The following SLC18A1 variants were observed in gnomAD, a reference collection of about 807,000 sequenced individuals.
SLC18A1 encodes the protein solute carrier family 18 member A1.
SLC18A1 carries 69 observed loss-of-function variants against 53.7 expected under a neutral mutation model. The ratio of observed to expected loss-of-function variants is 1.28; its 90% CI spans 1.06 to 1.57. The LOEUF (loss-of-function observed/expected upper bound fraction) is 1.57. Among genes scored for constraint, SLC18A1 ranks in the 40% most tolerant of loss-of-function variants. SLC18A1 has a pLI of 0.00. For synonymous variants in SLC18A1, 320 were observed against 248.1 expected (o/e 1.29, Z -2.72); for missense variants, 932 against 668.1 (o/e 1.40, Z -4.35).
At position 20,181,031 on chromosome 8, in the gene SLC18A1, G is replaced by A; in HGVS notation, c.-67C>T. On this transcript the variant is annotated 5_prime_UTR_variant, in exon 2 of 16. Transcript: ENST00000276373. Reference sequence around the variant, plus strand: ...AGGGAAGGTCCTGTGACAGCTACAGGTCTCCTGCAGCCTTTATGGAAGAGG... The same window carrying A: ...AGGGAAGGTCCTGTGACAGCTACAGATCTCCTGCAGCCTTTATGGAAGAGG... The A allele has an allele frequency of 6.6e-7, 1 of 1,520,662 alleles. No individual in the cohort carries two copies. Among genetic ancestry groups the A allele is most frequent in the Middle Eastern group, 1.8e-4 (1 of 5,616 alleles). 94.2% of individuals were successfully genotyped at this position (1,520,662 alleles called of 1,614,324 possible). A position where few individuals can be genotyped will look rare whatever the true frequency, so the allele number is the denominator to read the frequency against.
intron 8 of SLC18A1, 77 bp downstream of exon 8, chr8:20,171,026 G>T: frequency 7.1e-7 from 1 of 1,406,400 alleles, no homozygotes; most frequent in Non-Finnish European, 1.0e-6. Flanking sequence ...TCTTCTTATG[G>T]TTTGGCAGGC....
At chr8:20,149,591 T>C (rs918229774) in intron 12 of SLC18A1, 85 bp downstream of exon 12, 26 of 175,112 alleles carry the variant, frequency 1.5e-4, no homozygotes, top group South Asian at 2.1e-4. Context: ...TCTCTCTCCC[T>C]CTCTCTCTCT....
chr8:20,154,972 G>A, intron 10 of SLC18A1, among the ~76,000 whole-genome samples: 1 of 152,152 alleles, frequency 6.6e-6, no homozygotes, highest in East Asian at 1.9e-4. Flanking sequence ...GCTTGCCATT[G>A]TTCCTGCACA....
At chr8:20,162,957 G>C (rs546267142) in intron 10 of SLC18A1, among the ~76,000 whole-genome samples, 1 of 152,284 alleles carries the variant, frequency 6.6e-6, no homozygotes, top group African/African-American at 2.4e-5. Context: ...TGTTATAGCA[G>C]CAGCCCGGTT....
chr8:20,157,305 A>G (rs943983629), intron 10 of SLC18A1, among the ~76,000 whole-genome samples: 4 of 152,212 alleles, frequency 2.6e-5, no homozygotes, highest in African/African-American at 7.2e-5. Context: ...AAGGGCAGCT[A>G]TAATTGCAGC....
At chr8:20,150,243 A>G (rs977377288) in intron 11 of SLC18A1, among the ~76,000 whole-genome samples, 2 of 152,226 alleles carry the variant, frequency 1.3e-5, no homozygotes, top group African/African-American at 4.8e-5. Context: ...ATGGAGACTC[A>G]TAGCTCTTGG....
chr8:20,179,415 T>A lies in SLC18A1; in HGVS notation c.194A>T (p.His65Leu). ...KEVNSSLHLG[H>L]AGSSPHALAS... ...GAGGGCATGTGGGGAACTTCCGGCA[T>A]GGCCGAGGTGCAGAGAAGAGTTGAC... Residue 65 changes from histidine to leucine, a missense_variant, in exon 3 of 16, where the codon CAT (histidine) becomes CTT (leucine). Transcript: ENST00000276373. 1 of 1,614,100 alleles carries A rather than the reference T, an allele frequency of 6.2e-7. No homozygotes were observed. The highest frequency in any genetic ancestry group is 8.5e-7 in the Non-Finnish European group (1 of 1,180,046).
rs575633804 is a variant in SLC18A1, at chr8:20,147,310, T to C, written c.1412A>G (p.Tyr471Cys). Residue 471 changes from tyrosine to cysteine, a missense_variant, in exon 15 of 16, where the codon TAT becomes TGT. Physicochemically the swap from Tyr to Cys is radical, Grantham distance 194 (BLOSUM62 -2). Coordinates refer to ENST00000276373, the MANE Select transcript of SLC18A1 (RefSeq NM_003053.4). ...CCGCAGGTAGTAGCAGAGTGGAGCA[T>C]AGACGATGTTGATGACCCCAGTGAT... ...MVITGVINIV[Y>C]APLCYYLRSP... The C allele has an allele frequency of 1.7e-5, 27 of 1,613,672 alleles. No homozygotes were observed. Among genetic ancestry groups the C allele is most frequent in the South Asian group, 1.3e-4 (12 of 91,024 alleles).
intron 10 of SLC18A1, among the ~76,000 whole-genome samples, chr8:20,158,117 C>A (rs1047171430): frequency 1.9e-4 from 29 of 152,308 alleles, no homozygotes; most frequent in African/African-American, 7.0e-4. Flanking sequence ...CATGTCATCA[C>A]CCTCACAGAG....
chr8:20,162,530 T>C (rs976908530), intron 10 of SLC18A1, among the ~76,000 whole-genome samples: 1 of 152,240 alleles, frequency 6.6e-6, no homozygotes, highest in Non-Finnish European at 1.5e-5. Context: ...CAAAGCAGCC[T>C]GAAGCTTTGC....
At chr8:20,165,160 C>CT in intron 8 of SLC18A1, 53 bp from the exon 9 acceptor site, 1 of 1,455,526 alleles carries the variant, frequency 6.9e-7, no homozygotes, top group Admixed American at 1.7e-5. Flanking sequence ...TACATCTCTC[C>CT]TATTTTCACA....
rs778927735 is a variant in SLC18A1, at chr8:20,179,493, CAA to C, written c.125-11_125-10del. 2 of 1,602,750 alleles carry C rather than the reference CAA, an allele frequency of 1.2e-6. No individual in the cohort carries two copies. Among genetic ancestry groups the C allele is most frequent in the Non-Finnish European group, 1.7e-6 (2 of 1,174,096 alleles). ...GGTGGGCACAATTGGCACTGAAAGT[CAA>C]AGAGGACAGGTGATGGGGGCTAAGG... On this transcript the variant is annotated splice_polypyrimidine_tract_variant and intron_variant, in intron 2 of 15. Coordinates refer to ENST00000276373, the MANE Select transcript of SLC18A1 (RefSeq NM_003053.4).
intron 10 of SLC18A1, among the ~76,000 whole-genome samples, chr8:20,153,689 G>A (rs2071616068): frequency 6.6e-6 from 1 of 151,918 alleles, no homozygotes; most frequent in African/African-American, 2.4e-5. Flanking sequence ...AAAGAAGTGA[G>A]GACAGGAGTA....
intron 11 of SLC18A1, among the ~76,000 whole-genome samples, chr8:20,150,013 G>C (rs1448070100): frequency 1.3e-5 from 2 of 152,150 alleles, no homozygotes; most frequent in Non-Finnish European, 2.9e-5. Flanking sequence ...GGAGGCACTT[G>C]TTCCTTAGAA....
chr8:20,166,977 C>G (rs945967842), intron 8 of SLC18A1, among the ~76,000 whole-genome samples: 21 of 152,254 alleles, frequency 1.4e-4, no homozygotes, highest in Admixed American at 1.0e-3. Flanking sequence ...GAAACCAACC[C>G]TCAACAGTAC....
chr8:20,157,482 G>A (rs575121549), intron 10 of SLC18A1, among the ~76,000 whole-genome samples: 33 of 152,222 alleles, frequency 2.2e-4, no homozygotes, highest in East Asian at 1.4e-3. Flanking sequence ...GCTAACTTGC[G>A]TGCTAGAAGG....
chr8:20,167,528 T>C (rs1434606725), intron 8 of SLC18A1, among the ~76,000 whole-genome samples: 1 of 152,028 alleles, frequency 6.6e-6, no homozygotes, highest in African/African-American at 2.4e-5. Context: ...CAAACTTGTG[T>C]GTGTGTATTA....
Position 20,153,218 on chromosome 8 carries a change from G to T in SLC18A1, c.1016-2474C>A, listed in dbSNP as rs913655198. Among the ~76,000 whole-genome samples the T allele has an allele frequency of 2.6e-5, 4 of 151,858 alleles. No individual in the cohort carries two copies. In the South Asian group the frequency reaches 8.3e-4, roughly 32 times the overall value. On this transcript the variant is annotated intron_variant, in intron 10 of 15. Coordinates refer to ENST00000276373, the MANE Select transcript of SLC18A1 (RefSeq NM_003053.4). ...GGTGAGACCAACAGCGTGGTTGTGC[G>T]TTTTTTTTGCAGCCCCATGCCATGG...
rs549807892 is a variant in SLC18A1, at chr8:20,160,512, TAC to T, written c.1015+4355_1015+4356del. 2.6e-5 allele frequency among the ~76,000 whole-genome samples: 4 copies of T among 152,154 alleles called. No homozygotes were observed. The East Asian group carries it at 7.7e-4, about 29-fold the overall frequency. Reference sequence around the variant, plus strand: ...AGTGAATCTCTAAGGGGTGAGGGATTACACATTTTGTGACTATCAAAATGGTT... The same window carrying T: ...AGTGAATCTCTAAGGGGTGAGGGATTACATTTTGTGACTATCAAAATGGTT... On this transcript the variant is annotated intron_variant, in intron 10 of 15. Transcript: ENST00000276373.
Sources: allele counts gnomAD v4.1 joint callset (sites outside exome capture counted in the v4.1 genomes callset), GRCh38; gene constraint gnomAD v4.1.1; transcripts MANE v1.5; gene names NCBI Gene and HGNC (gene_info 2026-07-23, HGNC 2026-07-21).